MOB1B: variants seen among roughly 807,000 people sequenced by gnomAD.
MOB1B encodes the protein MOB1 Mps One Binder homolog B.
Under a neutral mutation model 24.4 loss-of-function variants are expected in MOB1B, and 19 were observed. The observed-to-expected ratio is 0.78, with a 90% CI of 0.54 to 1.14. The LOEUF (loss-of-function observed/expected upper bound fraction) is 1.14, where lower values mean the gene tolerates loss of function less well. MOB1B is among the 50% of genes most tolerant of loss of function. MOB1B has a pLI of 0.00. For missense variants in MOB1B, 243 were observed against 259.6 expected (o/e 0.94, Z 0.44); for synonymous variants, 76 against 82.1 (o/e 0.93, Z 0.40).
At chr4:70,917,435 G>A (rs1298426216) in intron 1 of MOB1B, among the ~76,000 whole-genome samples, 2 of 152,160 alleles carry the variant, frequency 1.3e-5, no homozygotes, top group African/African-American at 4.8e-5. Flanking sequence ...CATCAAGGAC[G>A]TCATCTTTTT....
chr4:70,903,266 C>T (rs1182494641), intron 1 of MOB1B, among the ~76,000 whole-genome samples: 1 of 152,160 alleles, frequency 6.6e-6, no homozygotes, highest in Non-Finnish European at 1.5e-5. Context: ...GTGTGCCCTG[C>T]CTAGGTTGAT....
intron 1 of MOB1B, among the ~76,000 whole-genome samples, chr4:70,906,595 T>G (rs1415068903): frequency 6.6e-6 from 1 of 152,116 alleles, no homozygotes; most frequent in African/African-American, 2.4e-5. Flanking sequence ...TTGAGACAGA[T>G]TAGGATAATC....
chr4:70,979,620 C>T (rs1739123450), intron 5 of MOB1B, among the ~76,000 whole-genome samples: 2 of 152,186 alleles, frequency 1.3e-5, no homozygotes. Context: ...CATTTTAGTA[C>T]TTCTCCTACT....
At chr4:70,935,648 A>G (rs1737053471) in intron 1 of MOB1B, among the ~76,000 whole-genome samples, 2 of 149,082 alleles carry the variant, frequency 1.3e-5, no homozygotes. Flanking sequence ...TGCTAAGTTA[A>G]CCATTATACT....
chr4:70,984,485 G>T lies in MOB1B; in HGVS notation c.*2428G>T, dbSNP rs1739319272. 6.6e-6 allele frequency: 1 copy of T among 152,156 alleles called. No homozygotes were observed. The highest frequency in any genetic ancestry group is 2.1e-4 in the South Asian group (1 of 4,834). 9.4% of individuals were successfully genotyped at this position (152,156 alleles called of 1,614,324 possible). A position where few individuals can be genotyped will look rare whatever the true frequency, so the allele number is the denominator to read the frequency against. Reference sequence around the variant, plus strand: ...AGAGTTTGCTGATAAATGTCTGTTGGATTCTTTTTGGATTTCTTTAATTAA... The same window carrying T: ...AGAGTTTGCTGATAAATGTCTGTTGTATTCTTTTTGGATTTCTTTAATTAA... On this transcript the variant is annotated 3_prime_UTR_variant, in exon 6 of 6. Transcript: ENST00000309395.
At chr4:70,908,875 C>A (rs1735864786) in intron 1 of MOB1B, among the ~76,000 whole-genome samples, 1 of 151,456 alleles carries the variant, frequency 6.6e-6, no homozygotes, top group Non-Finnish European at 1.5e-5. Context: ...CATGGTGAAA[C>A]CCCGTCTCTA....
At position 70,975,213 on chromosome 4, in the gene MOB1B, A is replaced by G. The variant is rs1308160279; in HGVS notation, c.336A>G (p.Pro112=). The G allele has an allele frequency of 6.2e-7, 1 of 1,613,576 alleles. No individual in the cohort carries two copies. The change falls in exon 4 of 6, where the codon CCA becomes CCG. Residue 112 remains proline (P), a synonymous_variant. Coordinates refer to ENST00000309395, the MANE Select transcript of MOB1B (RefSeq NM_173468.4). Reference sequence around the variant, plus strand: ...AGAAACCTATTAAGTGCTCTGCACCAAAGTATATTGATTACTTGATGACTT... The same window carrying G: ...AGAAACCTATTAAGTGCTCTGCACCGAAGTATATTGATTACTTGATGACTT... ...NIKKPIKCSA[P]KYIDYLMTWV...
intron 1 of MOB1B, among the ~76,000 whole-genome samples, chr4:70,938,934 C>T (rs563920770): frequency 9.2e-5 from 14 of 152,172 alleles, no homozygotes; most frequent in Middle Eastern, 6.8e-3. Flanking sequence ...CCTGCCAGCA[C>T]CTCGACCTCC....
At chr4:70,907,453 C>T (rs146359288) in intron 1 of MOB1B, among the ~76,000 whole-genome samples, 64 of 152,142 alleles carry the variant, frequency 4.2e-4, no homozygotes, top group African/African-American at 1.5e-3. Flanking sequence ...TTGGAAAAGA[C>T]CAAAGTGTAA....
At chr4:70,945,495 A>T (rs1737536295) in intron 1 of MOB1B, among the ~76,000 whole-genome samples, 1 of 152,286 alleles carries the variant, frequency 6.6e-6, no homozygotes, top group East Asian at 1.9e-4. Flanking sequence ...CTGCATGCAT[A>T]CTCTGTACTA....
In MOB1B at chr4:70,983,779, T is replaced by G. The variant is rs1456082946; in HGVS notation, c.*1722T>G. ...TTTTTCTCCACTTCATTTCTAGCAA[T>G]TATTTACCAAGTACCAACAGTAGAA... is the stretch of plus-strand genomic sequence containing the variant. On this transcript the variant is annotated 3_prime_UTR_variant, in exon 6 of 6. Transcript: ENST00000309395. 1 of 152,604 alleles carries G rather than the reference T, an allele frequency of 6.6e-6. No homozygotes were observed. The highest frequency in any genetic ancestry group is 2.4e-5 in the African/African-American group (1 of 41,456). The allele number at this position is 152,604 out of a possible 1,614,324, so 9.5% of individuals were successfully genotyped here. A position where few individuals can be genotyped will look rare whatever the true frequency, so the allele number is the denominator to read the frequency against.
chr4:70,963,162 A>G (rs940770911), intron 2 of MOB1B, among the ~76,000 whole-genome samples: 11 of 152,184 alleles, frequency 7.2e-5, no homozygotes, highest in African/African-American at 2.7e-4. Flanking sequence ...AAATTCAGCA[A>G]TAAGGGCTAT....
chr4:70,963,440 C>G (rs1738384863), intron 2 of MOB1B, among the ~76,000 whole-genome samples: 1 of 152,094 alleles, frequency 6.6e-6, no homozygotes, highest in Non-Finnish European at 1.5e-5. Flanking sequence ...AAATAGATAG[C>G]AAATAGTAGG....
rs1414266127 is a variant in MOB1B at position 70,987,567 on chromosome 4, T to C, written c.*5510T>C. ...ATAACCAGGGTGGTGAGGGCACTAA[T>C]CTTGTAGGAAACACTTACTTGATGT... On this transcript the variant is annotated 3_prime_UTR_variant, in exon 6 of 6. Coordinates refer to ENST00000309395, the MANE Select transcript of MOB1B (RefSeq NM_173468.4). The C allele has an allele frequency of 6.6e-6, 1 of 152,154 alleles. No individual in the cohort carries two copies. The highest frequency in any genetic ancestry group is 1.5e-5 in the Non-Finnish European group (1 of 68,004). The allele number at this position is 152,154 out of a possible 1,614,324, so 9.4% of individuals were successfully genotyped here.
chr4:70,969,971 T>C lies in MOB1B; in HGVS notation c.222T>C (p.Thr74=). The change falls in exon 3 of 6, where the codon ACT becomes ACC. Residue 74 remains threonine (T), a synonymous_variant. Transcript: ENST00000309395. ...ATCAGATCAACATGCTTTATGGAAC[T>C]ATCACAGACTTCTGTACAGAAGAGA... is the stretch of plus-strand genomic sequence containing the variant. ...FFNQINMLYG[T]ITDFCTEESC... 3 of 1,607,574 alleles carry C rather than the reference T, an allele frequency of 1.9e-6. No homozygotes were observed. The highest frequency in any genetic ancestry group is 2.6e-6 in the Non-Finnish European group (3 of 1,176,418).
chr4:70,920,246 C>T (rs1736372569), intron 1 of MOB1B, among the ~76,000 whole-genome samples: 1 of 152,038 alleles, frequency 6.6e-6, no homozygotes. Flanking sequence ...CTCTTCCTCT[C>T]CTCCTCCTTC....
At chr4:70,980,524 A>C (rs1739169436) in intron 5 of MOB1B, among the ~76,000 whole-genome samples, 1 of 152,160 alleles carries the variant, frequency 6.6e-6, no homozygotes, top group African/African-American at 2.4e-5. Flanking sequence ...TCTTAAAGGT[A>C]GGTCCATTAT....
At chr4:70,936,800 C>T (rs2148882335) in intron 1 of MOB1B, among the ~76,000 whole-genome samples, 1 of 152,242 alleles carries the variant, frequency 6.6e-6, no homozygotes, top group African/African-American at 2.4e-5. Flanking sequence ...ACTTGATTGG[C>T]ATTATGTCAG....
intron 1 of MOB1B, among the ~76,000 whole-genome samples, chr4:70,947,377 C>G (rs1473978957): frequency 6.6e-6 from 1 of 152,050 alleles, no homozygotes; most frequent in Non-Finnish European, 1.5e-5. Flanking sequence ...TCAGGTGATT[C>G]TCCCACCTCA....
Sources: gnomAD v4.1 joint callset for allele counts (sites outside exome capture counted in the v4.1 genomes callset) on GRCh38, gnomAD v4.1.1 for gene constraint, MANE v1.5 for transcripts, NCBI Gene and HGNC (gene_info 2026-07-23, HGNC 2026-07-21) for gene names.